The following GNAT2 variants were observed in gnomAD, a reference collection of about 807,000 sequenced individuals.
The protein encoded by GNAT2 is guanine nucleotide-binding protein G(t) subunit alpha-2.
In GNAT2, 32 loss-of-function variants were observed where a neutral mutation model predicts 40.9. The observed-to-expected ratio is 0.78, with a 90% CI of 0.59 to 1.05. The LOEUF is 1.05. GNAT2 is among the 50% of genes least tolerant of loss of function. The probability of loss-of-function intolerance (pLI) is 0.00; values close to 1 mark genes in which losing one functional copy is unlikely to be tolerated. For missense variants in GNAT2, 355 were observed against 431.5 expected, an observed-to-expected ratio of 0.82 and a Z score of 1.57; for synonymous variants, 141 against 157.2, an observed-to-expected ratio of 0.90 and a Z score of 0.77.
chr1:109,607,152 TTTAA>T (rs1335329961), intron 5 of GNAT2: 3 of 148,300 alleles, frequency 2.0e-5, no homozygotes, highest in African/African-American at 5.0e-5. Context: ...AGTTATTTTT[TTTAA>T]AAAAAAAAAA....
At chr1:109,617,753 T>G (rs908295329) in intron 1 of GNAT2, 1 of 152,302 alleles carries the variant, frequency 6.6e-6, no homozygotes, top group Non-Finnish European at 1.5e-5. Context: ...TATTGGCTGC[T>G]GAGGTAGGTA....
chr1:109,605,941 C>T, intron 7 of GNAT2, 29 bp downstream of exon 7: 1 of 1,608,442 alleles, frequency 6.2e-7, no homozygotes, highest in Non-Finnish European at 8.5e-7. Context: ...CTTGTTCTAC[C>T]AAAGCTGCTT....
At chr1:109,604,377 A>G (rs1570561293) in intron 7 of GNAT2, 1 of 462,362 alleles carries the variant, frequency 2.2e-6, no homozygotes, top group Admixed American at 3.4e-5. Flanking sequence ...GCTAAATGAG[A>G]TTGTGTATGT....
Position 109,606,025 on chromosome 1 carries a change from A to G in GNAT2, c.665T>C (p.Ile222Thr). 8 of 1,613,142 alleles carry G rather than the reference A, an allele frequency of 5.0e-6. No individual in the cohort carries two copies. Among genetic ancestry groups the G allele is most frequent in the Non-Finnish European group, 6.8e-6 (8 of 1,179,060 alleles). The change falls in exon 7 of 9, where the codon ATT (isoleucine) becomes ACT (threonine). Residue 222 changes from isoleucine to threonine, a missense_variant. Ile to Thr is a moderately conservative substitution (Grantham distance 89). Transcript: ENST00000679935. ...IHCFEGVTCI[I>T]FCAALSAYDM... ...ATAGGCACTGAGGGCTGCACAGAAA[A>G]TGATGCAGGTGACTCCCTCGAAGCA...
Position 109,606,319 on chromosome 1 carries a change from G to A in GNAT2, c.579C>T (p.Asp193=). ...AACCATGCACTTACCTGAAATTCAA[G>A]TCTTTGACGGAAAACTTGGTTTCAA... The part of the protein sequence containing the change: ...GIIETKFSVK[D]LNFRMFDVGG... The change falls in exon 6 of 9, where the codon GAC becomes GAT. Residue 193 remains aspartate, a synonymous_variant. Transcript: ENST00000679935. 2 of 1,613,850 alleles carry A rather than the reference G, an allele frequency of 1.2e-6. No homozygotes were observed. The highest frequency in any genetic ancestry group is 1.7e-6 in the Non-Finnish European group (2 of 1,179,756).
chr1:109,609,020 G>T, intron 4 of GNAT2: 1 of 565,778 alleles, frequency 1.8e-6, no homozygotes, highest in Non-Finnish European at 3.2e-6. Context: ...AGCGGGGCAG[G>T]GGTCCCAGGT....
At chr1:109,617,344 G>C (rs1265148148) in intron 1 of GNAT2, 2 of 152,248 alleles carry the variant, frequency 1.3e-5, no homozygotes, top group Admixed American at 1.3e-4. Context: ...CTGGGATTCC[G>C]GGAGGGCCAG....
intron 8 of GNAT2, 196 bp from the exon 9 acceptor site, chr1:109,603,740 T>G: frequency 1.5e-6 from 1 of 661,582 alleles, no homozygotes; most frequent in Non-Finnish European, 2.7e-6. Flanking sequence ...AGAGGTGTCT[T>G]TCCACCTTTG....
Position 109,606,368 on chromosome 1 carries a change from G to T in GNAT2, c.530C>A (p.Ser177Tyr). 1 of 1,611,224 alleles carries T rather than the reference G, an allele frequency of 6.2e-7. No homozygotes were observed. Among genetic ancestry groups the T allele is most frequent in the Non-Finnish European group, 8.5e-7 (1 of 1,177,368 alleles). Residue 177 changes from serine to tyrosine, a missense_variant, in exon 6 of 9, where the codon TCC becomes TAC. Coordinates refer to ENST00000679935, the MANE Select transcript of GNAT2 (RefSeq NM_001377295.2). ...AATGATGCCCGTGGTTTTGACTCTG[G>T]ATCGGAGCACATCTTGCTCACTAGG... The part of the protein sequence containing the change: ...YLPSEQDVLR[S>Y]RVKTTGIIET...
chr1:109,608,369 T>G, intron 5 of GNAT2: 1 of 531,092 alleles, frequency 1.9e-6, no homozygotes, highest in Non-Finnish European at 3.4e-6. Context: ...GTCTTTTGAA[T>G]TTTGCATCTT....
Position 109,612,816 on chromosome 1 carries a change from G to A in GNAT2, c.55C>T (p.Leu19=), listed in dbSNP as rs1179583182. The A allele has an allele frequency of 1.2e-6, 2 of 1,613,518 alleles. No homozygotes were observed. Among genetic ancestry groups the A allele is most frequent in the Non-Finnish European group, 1.7e-6 (2 of 1,179,530 alleles). Residue 19 remains leucine, a synonymous_variant, in exon 2 of 9, where the codon CTA becomes TTA. Coordinates refer to ENST00000679935, the MANE Select transcript of GNAT2 (RefSeq NM_001377295.2). The part of the protein sequence containing the change: ...DKELAKRSKE[L]EKKLQEDADK... ...GCATCCTCCTGCAGCTTCTTTTCTA[G>A]CTCCTTGGACCTCTTGGCCAGTTCT...
chr1:109,606,860 TA>T, intron 5 of GNAT2: 3 of 205,538 alleles, frequency 1.5e-5, no homozygotes, highest in African/African-American at 2.3e-5. Context: ...ACATTTGAGA[TA>T]ACTGGGGAAA....
chr1:109,618,260 C>A (rs1650012251), intron 1 of GNAT2: 1 of 152,170 alleles, frequency 6.6e-6, no homozygotes, highest in African/African-American at 2.4e-5. Flanking sequence ...TGTTTTGCAT[C>A]CATTCTTTTA....
At chr1:109,618,288 A>G (rs191888557) in intron 1 of GNAT2, 2 of 152,320 alleles carry the variant, frequency 1.3e-5, no homozygotes, top group Non-Finnish European at 2.9e-5. Context: ...TTATATTGTA[A>G]ACATTTCCAC....
At chr1:109,605,075 G>A (rs1649552030) in intron 7 of GNAT2, 2 of 152,240 alleles carry the variant, frequency 1.3e-5, no homozygotes, top group African/African-American at 4.8e-5. Flanking sequence ...CCAAAGGGAA[G>A]GGAAGAGAAC....
chr1:109,614,685 T>G (rs1046337106), intron 1 of GNAT2: 5 of 152,228 alleles, frequency 3.3e-5, no homozygotes, highest in African/African-American at 1.2e-4. Flanking sequence ...AGAGCTGGAC[T>G]TGTGCAGCAG....
At position 109,610,542 on chromosome 1, in the gene GNAT2, C is replaced by T. The variant is rs759025436; in HGVS notation, c.119-35G>A. ...AAAATGCTTATGCTTTCGATTTCCA[C>T]CAGTTCTCCTCAGCCTTCCAGGAGA... On this transcript the variant is annotated intron_variant, in intron 2 of 8. Transcript: ENST00000679935. The T allele has an allele frequency of 6.3e-6, 10 of 1,597,780 alleles. No individual in the cohort carries two copies. The Admixed American group carries it at 1.5e-4, about 24-fold the overall frequency.
intron 1 of GNAT2, among the ~76,000 whole-genome samples, chr1:109,618,872 TG>T (rs1650037402): frequency 6.6e-6 from 1 of 151,866 alleles, no homozygotes; most frequent in South Asian, 2.1e-4. Flanking sequence ...GAATCCAGCG[TG>T]GGGAGAGAAG....
At position 109,606,307 on chromosome 1, in the gene GNAT2, C is replaced by T. The variant is rs1649592144; in HGVS notation, c.590+1G>A. On this transcript the variant is annotated splice_donor_variant, in intron 6 of 8. Coordinates refer to ENST00000679935, the MANE Select transcript of GNAT2 (RefSeq NM_001377295.2). LOFTEE classifies it high-confidence loss of function. ...GATGCCCTAGGGAACCATGCACTTACCTGAAATTCAAGTCTTTGACGGAAA... is the reference window on the plus strand; with the variant it reads ...GATGCCCTAGGGAACCATGCACTTATCTGAAATTCAAGTCTTTGACGGAAA... 3.1e-6 allele frequency: 5 copies of T among 1,613,872 alleles called. No homozygotes were observed. The highest frequency in any genetic ancestry group is 4.2e-6 in the Non-Finnish European group (5 of 1,179,790).
Sources: gnomAD v4.1 joint callset for allele counts (sites outside exome capture counted in the v4.1 genomes callset) on GRCh38, gnomAD v4.1.1 for gene constraint, MANE v1.5 for transcripts, NCBI Gene and HGNC (gene_info 2026-07-23, HGNC 2026-07-21) for gene names.